The following WSCD1 variants were observed in gnomAD, a reference collection of about 807,000 sequenced individuals.
The protein encoded by WSCD1 is WSC domain sialate O sulfotransferase 1.
In WSCD1, 41 loss-of-function variants were observed where a neutral mutation model predicts 60.4. The ratio of observed to expected loss-of-function variants is 0.68; its 90% CI spans 0.53 to 0.88. The LOEUF is 0.88. WSCD1 is among the 40% of genes least tolerant of loss of function. The pLI is 0.00. For synonymous variants in WSCD1, 361 were observed against 332.5 expected, an observed-to-expected ratio of 1.09 and a Z score of -0.93; for missense variants, 784 against 796.2, an observed-to-expected ratio of 0.98 and a Z score of 0.18.
rs1908787459 is a variant in WSCD1, at chr17:6,075,422, C to CA, written c.-289+4771dup. 1.3e-5 allele frequency among the ~76,000 whole-genome samples: 2 copies of CA among 152,120 alleles called. No individual in the cohort carries two copies. Among genetic ancestry groups the CA allele is most frequent in the Non-Finnish European group, 2.9e-5 (2 of 68,024 alleles). The stretch of plus-strand genomic sequence containing the variant: ...CTCTCCTCTCCCTGCTGCCACCCCT[C>CA]AGTCTCTGGACCCCTAGCCTGGCTG... On this transcript the variant is annotated intron_variant, in intron 1 of 8. Coordinates refer to ENST00000317744, the MANE Select transcript of WSCD1 (RefSeq NM_015253.2). This position sits in a 1 kb window ranked among gnomAD's most constrained non-coding sequence, Gnocchi z 4.1.
chr17:6,106,375 T>C (rs1911085940), intron 5 of WSCD1, among the ~76,000 whole-genome samples: 1 of 152,204 alleles, frequency 6.6e-6, no homozygotes, highest in African/African-American at 2.4e-5. Context: ...CACTAGTGGA[T>C]GAATCAACAA....
chr17:6,080,555 A>G lies in WSCD1; in HGVS notation c.-104A>G, dbSNP rs1322314170. On this transcript the variant is annotated 5_prime_UTR_variant, in exon 2 of 9. Transcript: ENST00000317744. This position sits in a 1 kb window ranked among gnomAD's most constrained non-coding sequence, Gnocchi z 6.6. Reference sequence around the variant, plus strand: ...CAGGCGAGCACAGGCAGGTGCCAGGAGCCAGGATGCAAGGATGACGCCTCC... The same window carrying G: ...CAGGCGAGCACAGGCAGGTGCCAGGGGCCAGGATGCAAGGATGACGCCTCC... 1.3e-5 allele frequency: 16 copies of G among 1,249,838 alleles called. No individual in the cohort carries two copies. Among genetic ancestry groups the G allele is most frequent in the Non-Finnish European group, 1.6e-5 (14 of 882,994 alleles). 77.4% of individuals were successfully genotyped at this position (1,249,838 alleles called of 1,614,324 possible).
intron 5 of WSCD1, among the ~76,000 whole-genome samples, chr17:6,108,069 G>C (rs77632400): frequency 0.02 from 3,077 of 152,160 alleles, 38 homozygotes; most frequent in Non-Finnish European, 0.02. Flanking sequence ...GTACTTATAA[G>C]AACAGCCTGA....
upstream of WSCD1, among the ~76,000 whole-genome samples, chr17:6,069,792 TGTGTGTGTGC>T (rs145907932): frequency 0.32 from 43,475 of 136,836 alleles, 6,417 homozygotes; most frequent in East Asian, 0.49. Context: ...TGTGTGTGTG[TGTGTGTGTGC>T]GTGCGTGTGT....
chr17:6,119,601 A>G lies in WSCD1; in HGVS notation c.1376-708A>G, dbSNP rs1314774764. 2.0e-5 allele frequency among the ~76,000 whole-genome samples: 3 copies of G among 151,612 alleles called. No homozygotes were observed. In the East Asian group the frequency reaches 5.9e-4, roughly 30 times the overall value. On this transcript the variant is annotated intron_variant, in intron 8 of 8. Coordinates refer to ENST00000317744, the MANE Select transcript of WSCD1 (RefSeq NM_015253.2). ...TCTTCCCCTTCCCCCATCATCCTTT[A>G]CTTAGACAGCCCCCGACAGTCAGGC... is the stretch of plus-strand genomic sequence containing the variant.
In WSCD1 at chr17:6,090,514, G is replaced by T; in HGVS notation, c.727+9G>T. 6.2e-7 allele frequency: 1 copy of T among 1,611,448 alleles called. No individual in the cohort carries two copies. Among genetic ancestry groups the T allele is most frequent in the Middle Eastern group, 1.7e-4 (1 of 6,038 alleles). On this transcript the variant is annotated intron_variant, in intron 4 of 8. Coordinates refer to ENST00000317744, the MANE Select transcript of WSCD1 (RefSeq NM_015253.2). ...GCCGGGCTCCAGGAAGCGTGAGTGT[G>T]CCAGCCTCTTCCTGAGCTTTGTCCG...
At chr17:6,111,034 A>C in intron 7 of WSCD1, 99 bp downstream of exon 7, 47 of 1,438,438 alleles carry the variant, frequency 3.3e-5, no homozygotes, top group Middle Eastern at 2.6e-4. Context: ...AGTGCATCTC[A>C]AACTTGAGTG....
Position 6,110,757 on chromosome 17 carries a change from T to A in WSCD1, c.1010-14T>A, listed in dbSNP as rs779706386. On this transcript the variant is annotated splice_polypyrimidine_tract_variant and intron_variant, in intron 6 of 8. Coordinates refer to ENST00000317744, the MANE Select transcript of WSCD1 (RefSeq NM_015253.2). The surrounding 1 kb of genome is among the most constrained non-coding windows in gnomAD (Gnocchi z 4.8). ...TGGAAGTGAGTAACCCCGTGATGAC[T>A]TTTGGACTTTCAGACACTCGTTGTA... is the stretch of plus-strand genomic sequence containing the variant. 1.2e-6 allele frequency: 2 copies of A among 1,603,680 alleles called. No homozygotes were observed. The highest frequency in any genetic ancestry group is 1.3e-5 in the African/African-American group (1 of 74,776).
At chr17:6,112,492 T>C (rs559267738) in intron 7 of WSCD1, among the ~76,000 whole-genome samples, 1 of 152,160 alleles carries the variant, frequency 6.6e-6, no homozygotes, top group Non-Finnish European at 1.5e-5. Context: ...GGCATCCAAA[T>C]TGGGAAGGAG....
At chr17:6,093,724 G>C (rs957060465) in intron 4 of WSCD1, among the ~76,000 whole-genome samples, 1 of 152,230 alleles carries the variant, frequency 6.6e-6, no homozygotes, top group South Asian at 2.1e-4. Context: ...GGGGATGTGC[G>C]TGGGTATACA....
chr17:6,085,923 G>A (rs1170836827), intron 2 of WSCD1, among the ~76,000 whole-genome samples: 3 of 152,272 alleles, frequency 2.0e-5, no homozygotes, highest in Middle Eastern at 3.4e-3. Flanking sequence ...AGAGATGCAC[G>A]TGGGACTGGA....
chr17:6,103,548 G>C (rs768460449), intron 5 of WSCD1, among the ~76,000 whole-genome samples: 3 of 152,190 alleles, frequency 2.0e-5, no homozygotes, highest in Admixed American at 6.5e-5. Flanking sequence ...AGTCTTCAGA[G>C]AGCCATCTGC....
At chr17:6,097,410 G>A (rs1325809187) in intron 5 of WSCD1, among the ~76,000 whole-genome samples, 1 of 152,228 alleles carries the variant, frequency 6.6e-6, no homozygotes, top group Non-Finnish European at 1.5e-5. Context: ...TACTTCCAGA[G>A]AGACTGAATA....
At chr17:6,083,791 T>C (rs1243729406) in intron 2 of WSCD1, among the ~76,000 whole-genome samples, 2 of 151,668 alleles carry the variant, frequency 1.3e-5, no homozygotes, top group African/African-American at 4.8e-5. Context: ...AAAATATATA[T>C]AATAATAATA....
At chr17:6,117,961 C>A in intron 7 of WSCD1, 27 bp from the exon 8 acceptor site, 1 of 1,611,456 alleles carries the variant, frequency 6.2e-7, no homozygotes, top group Non-Finnish European at 8.5e-7. Flanking sequence ...CCATCTTCCA[C>A]AGAGACCCTC....
intron 4 of WSCD1, 108 bp downstream of exon 4, chr17:6,090,613 A>G: frequency 2.1e-6 from 3 of 1,419,956 alleles, no homozygotes; most frequent in Non-Finnish European, 2.8e-6. Context: ...ACCTGTGCCA[A>G]CCTCTGCCCT....
At chr17:6,098,674 TG>T (rs1181568281) in intron 5 of WSCD1, among the ~76,000 whole-genome samples, 5 of 152,196 alleles carry the variant, frequency 3.3e-5, no homozygotes, top group Non-Finnish European at 1.5e-5. Context: ...GGGAGGGTGG[TG>T]TTTCCTGAGT....
intron 1 of WSCD1, among the ~76,000 whole-genome samples, chr17:6,072,064 A>G (rs1264361241): frequency 6.6e-6 from 1 of 152,228 alleles, no homozygotes; most frequent in Admixed American, 6.5e-5. Context: ...TCCAGGCCTC[A>G]GCAGGGCCAT....
chr17:6,081,157 C>G, intron 2 of WSCD1, 72 bp downstream of exon 2: 1 of 1,455,704 alleles, frequency 6.9e-7, no homozygotes, highest in South Asian at 1.3e-5. Context: ...TTGGTGTCCC[C>G]TTTCTCTCTG....
Sources: allele counts gnomAD v4.1 joint callset (sites outside exome capture counted in the v4.1 genomes callset), GRCh38; gene constraint gnomAD v4.1.1; non-coding constraint Gnocchi (gnomAD v3.1); transcripts MANE v1.5; gene names NCBI Gene and HGNC (gene_info 2026-07-23, HGNC 2026-07-21).